The following BAZ1A variants were observed in gnomAD, a reference collection of about 807,000 sequenced individuals.
The protein encoded by BAZ1A is bromodomain adjacent to zinc finger domain protein 1A.
Under a neutral mutation model 185.2 loss-of-function variants are expected in BAZ1A, and 50 were observed. The observed-to-expected ratio is 0.27, with a 90% CI of 0.22 to 0.34. BAZ1A has a LOEUF of 0.34. Among genes scored for constraint, BAZ1A ranks in the 10% least tolerant of loss-of-function variants. BAZ1A has a pLI of 1.00. For missense variants in BAZ1A, 1,356 were observed against 1,839.9 expected (o/e 0.74, Z 4.81); for synonymous variants, 571 against 615.6 (o/e 0.93, Z 1.07).
At chr14:34,863,096 C>G (rs138638845) in intron 2 of BAZ1A, among the ~76,000 whole-genome samples, 10 of 143,888 alleles carry the variant, frequency 6.9e-5, no homozygotes, top group Non-Finnish European at 9.0e-5. Context: ...TTAAGCGATT[C>G]TCCTGCCTCA....
At chr14:34,813,613 G>A (rs2041961073) in intron 4 of BAZ1A, among the ~76,000 whole-genome samples, 1 of 152,054 alleles carries the variant, frequency 6.6e-6, no homozygotes, top group African/African-American at 2.4e-5. Flanking sequence ...GAACTGGGAG[G>A]CAGAGGTTGC....
chr14:34,862,375 A>C, intron 2 of BAZ1A, 53 bp from the exon 3 acceptor site: 1 of 1,538,148 alleles, frequency 6.5e-7, no homozygotes, highest in Non-Finnish European at 8.7e-7. Flanking sequence ...CATTTCACAA[A>C]TTTTACATTA....
intron 23 of BAZ1A, among the ~76,000 whole-genome samples, chr14:34,764,277 CTTTTT>C (rs1878651326): frequency 7.3e-6 from 1 of 137,676 alleles, no homozygotes; most frequent in East Asian, 2.2e-4. Flanking sequence ...ACGTTAGTTT[CTTTTT>C]TCTTTTCTTT....
intron 3 of BAZ1A, among the ~76,000 whole-genome samples, chr14:34,858,286 C>T (rs574134030): frequency 8.5e-5 from 13 of 152,136 alleles, no homozygotes; most frequent in Admixed American, 3.3e-4. Context: ...GAGACAGACT[C>T]GTGCTTTGTT....
intron 2 of BAZ1A, among the ~76,000 whole-genome samples, chr14:34,864,239 GTTCCAGCAA>G (rs1481428386): frequency 7.9e-5 from 12 of 151,848 alleles, no homozygotes; most frequent in African/African-American, 1.9e-4. Context: ...TGCCTCCCTG[GTTCCAGCAA>G]TTCTTGTGCC....
rs757917967 is a variant in BAZ1A, at chr14:34,765,046, G to T, written c.3524C>A (p.Thr1175Asn). 106 of 1,614,132 alleles carry T rather than the reference G, an allele frequency of 6.6e-5. No homozygotes were observed. Among genetic ancestry groups the T allele is most frequent in the South Asian group, 2.4e-4 (22 of 91,078 alleles). Residue 1175 changes from threonine (T) to asparagine (N), a missense_variant, in exon 22 of 27, where the codon ACC (threonine) becomes AAC (asparagine). Thr to Asn is a moderately conservative substitution (Grantham distance 65). Coordinates refer to ENST00000360310, the MANE Select transcript of BAZ1A (RefSeq NM_013448.3). Reference sequence around the variant, plus strand: ...CTTGAGCTTTGGTCGAACACAGTAGGTATGATGACCCCTATCACAGCCATC... The same window carrying T: ...CTTGAGCTTTGGTCGAACACAGTAGTTATGATGACCCCTATCACAGCCATC... ...LCDGCDRGHH[T>N]YCVRPKLKTV...
intron 3 of BAZ1A, among the ~76,000 whole-genome samples, chr14:34,858,318 C>A (rs758518517): frequency 6.6e-6 from 1 of 152,110 alleles, no homozygotes; most frequent in Non-Finnish European, 1.5e-5. Context: ...AGTGCAGTGG[C>A]GTGATCTCGG....
chr14:34,867,654 A>G (rs1249329182), intron 2 of BAZ1A, among the ~76,000 whole-genome samples: 2 of 152,174 alleles, frequency 1.3e-5, no homozygotes, highest in African/African-American at 4.8e-5. Flanking sequence ...CTACAAAGTT[A>G]TTGTTACATT....
At chr14:34,775,026 CCAACATGGT>C (rs1879497152) in intron 18 of BAZ1A, among the ~76,000 whole-genome samples, 2 of 152,004 alleles carry the variant, frequency 1.3e-5, no homozygotes, top group South Asian at 4.1e-4. Flanking sequence ...ACCAGCCTGG[CCAACATGGT>C]GAAACCCTAT....
intron 21 of BAZ1A, among the ~76,000 whole-genome samples, chr14:34,770,124 T>C (rs1158538264): frequency 6.6e-6 from 1 of 152,144 alleles, no homozygotes; most frequent in Non-Finnish European, 1.5e-5. Context: ...TATGAAAACT[T>C]TGTTCTAATA....
intron 24 of BAZ1A, among the ~76,000 whole-genome samples, chr14:34,761,439 G>A (rs1280520675): frequency 1.3e-5 from 2 of 152,144 alleles, no homozygotes; most frequent in African/African-American, 4.8e-5. Flanking sequence ...TTTGAGGGAG[G>A]AAAAGGTGGG....
chr14:34,758,795 A>G lies in BAZ1A; in HGVS notation c.4295T>C (p.Val1432Ala), dbSNP rs1439061625. ...TTGTTCAAAAGCAGACAATTCATGA[A>G]CTCCTCCCTGTCGGCCAGAACTCCT... ...GRRSSGRQGGVHELSAFEQLV... is the reference protein window; with the variant it reads ...GRRSSGRQGGAHELSAFEQLV... Residue 1432 changes from valine (V) to alanine (A), a missense_variant, in exon 25 of 27, where the codon GTT becomes GCT. This residue lies in a region of BAZ1A where 309 missense variants were observed against 355.3 expected (regional missense o/e 0.87). Transcript: ENST00000360310. 6.2e-7 allele frequency: 1 copy of G among 1,613,796 alleles called. No individual in the cohort carries two copies. Among genetic ancestry groups the G allele is most frequent in the East Asian group, 2.2e-5 (1 of 44,888 alleles).
intron 3 of BAZ1A, among the ~76,000 whole-genome samples, chr14:34,827,698 GC>G (rs2042183738): frequency 6.8e-6 from 1 of 147,920 alleles, no homozygotes; most frequent in Non-Finnish European, 1.5e-5. Flanking sequence ...TTGCACCACT[GC>G]ACTCCAGCCT....
At chr14:34,756,040 C>T (rs1886225451) in intron 25 of BAZ1A, among the ~76,000 whole-genome samples, 1 of 150,672 alleles carries the variant, frequency 6.6e-6, no homozygotes, top group Admixed American at 6.6e-5. Context: ...AAGGTTTGAC[C>T]ATGTTGGTTA....
intron 3 of BAZ1A, among the ~76,000 whole-genome samples, chr14:34,834,487 C>T (rs1265369828): frequency 6.6e-6 from 1 of 152,140 alleles, no homozygotes; most frequent in East Asian, 1.9e-4. Context: ...TTAAAACCAA[C>T]AGAAAGAAAT....
At chr14:34,763,028 T>C (rs988102286) in intron 23 of BAZ1A, among the ~76,000 whole-genome samples, 8 of 152,176 alleles carry the variant, frequency 5.3e-5, no homozygotes, top group Non-Finnish European at 8.8e-5. Flanking sequence ...CTTGAACCCG[T>C]GGTTCCTGAA....
chr14:34,846,908 A>T (rs888429037), intron 3 of BAZ1A, among the ~76,000 whole-genome samples: 5 of 152,328 alleles, frequency 3.3e-5, no homozygotes, highest in South Asian at 2.1e-4. Flanking sequence ...ATTAAAAATA[A>T]TTTTTAAAAA....
At chr14:34,780,426 C>T in intron 16 of BAZ1A, 116 bp from the exon 17 acceptor site, 1 of 1,025,984 alleles carries the variant, frequency 9.7e-7, no homozygotes, top group Non-Finnish European at 1.4e-6. Flanking sequence ...TAGTGAACAA[C>T]ATGACACAGT....
intron 12 of BAZ1A, among the ~76,000 whole-genome samples, chr14:34,788,929 G>C (rs994557638): frequency 1.3e-5 from 2 of 152,074 alleles, no homozygotes; most frequent in African/African-American, 4.8e-5. Flanking sequence ...CCTTACTAAA[G>C]GAAAAAGGCA....
Sources: gnomAD v4.1 joint callset for allele counts (sites outside exome capture counted in the v4.1 genomes callset) on GRCh38, gnomAD v4.1.1 for gene constraint, gnomAD v4.1.1 regional missense constraint, MANE v1.5 for transcripts, NCBI Gene and HGNC (gene_info 2026-07-23, HGNC 2026-07-21) for gene names.